Variants in SIGLEC6 observed in about 807,000 individuals in gnomAD.
The protein encoded by SIGLEC6 is sialic acid binding Ig like lectin 6.
In SIGLEC6, 31 loss-of-function variants were observed where a neutral mutation model predicts 41.4. That is an observed-to-expected ratio of 0.75 (90% CI 0.56 to 1.01). The LOEUF is 1.01. Among genes scored for constraint, SIGLEC6 ranks in the 50% least tolerant of loss-of-function variants. SIGLEC6 has a pLI of 0.00. For missense variants in SIGLEC6, 555 were observed against 558.6 expected (o/e 0.99, Z 0.06); for synonymous variants, 217 against 231.0 (o/e 0.94, Z 0.55).
At position 51,529,833 on chromosome 19, in the gene SIGLEC6, G is replaced by C. The variant is rs750467976; in HGVS notation, c.903C>G (p.Thr301=). Residue 301 remains threonine (T), a synonymous_variant, in exon 5 of 8, where the codon ACC becomes ACG. Coordinates refer to ENST00000425629, the MANE Select transcript of SIGLEC6 (RefSeq NM_001245.7). The stretch of plus-strand genomic sequence containing the variant: ...CTACTTGAGGCAGCTCCAGGACCCC[G>C]GTATTGGAGATGGGGGTGGCGTTCA... ...PALNATPISN[T]GVLELPQVGS... The C allele has an allele frequency of 1.1e-5, 17 of 1,614,026 alleles. No homozygotes were observed. The highest frequency in any genetic ancestry group is 5.0e-5 in the Admixed American group (3 of 59,996).
rs142345239 is a variant in SIGLEC6 at position 51,522,346 on chromosome 19, G to C, written c.1189-2091C>G. Among the ~76,000 whole-genome samples, 256 of 152,306 alleles carry C rather than the reference G, an allele frequency of 1.7e-3. 2 individuals carry two copies. Among genetic ancestry groups the C allele is most frequent in the African/African-American group, 5.9e-3 (246 of 41,560 alleles). On this transcript the variant is annotated intron_variant, in intron 7 of 7. Coordinates refer to ENST00000425629, the MANE Select transcript of SIGLEC6 (RefSeq NM_001245.7). ...ATCCGGATAATCAACAATGTAACACGATGTCCAGTATGCCACCAAAATCAC... is the reference window on the plus strand; with the variant it reads ...ATCCGGATAATCAACAATGTAACACCATGTCCAGTATGCCACCAAAATCAC...
intron 7 of SIGLEC6, among the ~76,000 whole-genome samples, chr19:51,523,150 A>G (rs1350750129): frequency 6.6e-6 from 1 of 152,166 alleles, no homozygotes; most frequent in African/African-American, 2.4e-5. Context: ...AGGAAAAAAA[A>G]AATAAACTGA....
intron 5 of SIGLEC6, among the ~76,000 whole-genome samples, chr19:51,528,987 G>T (rs1979709546): frequency 9.5e-6 from 1 of 104,812 alleles, no homozygotes; most frequent in South Asian, 3.5e-4. Flanking sequence ...TGGCAACAGA[G>T]TGAGACCCTC....
At chr19:51,524,550 T>C (rs1466692349) in intron 7 of SIGLEC6, among the ~76,000 whole-genome samples, 2 of 152,230 alleles carry the variant, frequency 1.3e-5, no homozygotes, top group African/African-American at 4.8e-5. Flanking sequence ...GTAAAATAAC[T>C]TGACCTGATT....
At chr19:51,530,375 C>A (rs1400243379) in intron 4 of SIGLEC6, 62 bp downstream of exon 4, 5 of 1,438,812 alleles carry the variant, frequency 3.5e-6, no homozygotes, top group Non-Finnish European at 3.9e-6. Context: ...CATATTGATC[C>A]CCGTTAGTCC....
At chr19:51,531,052 C>A in intron 2 of SIGLEC6, 93 bp from the exon 3 acceptor site, 1 of 1,571,504 alleles carries the variant, frequency 6.4e-7, no homozygotes, top group Admixed American at 2.0e-5. Context: ...TTCTCTGAGC[C>A]CAACATGCTT....
In SIGLEC6 at chr19:51,520,922, T is replaced by C. The variant is rs1020072328; in HGVS notation, c.1189-667A>G. ...ATTGTTGTGTAGGTCATGTGACATG[T>C]GCTAGATGTTAAGCCATGAAGAAAG... is the stretch of plus-strand genomic sequence containing the variant. On this transcript the variant is annotated intron_variant, in intron 7 of 7. Transcript: ENST00000425629. 9.2e-5 allele frequency among the ~76,000 whole-genome samples: 14 copies of C among 152,156 alleles called. 1 individual carries two copies. Among genetic ancestry groups the C allele is most frequent in the South Asian group, 4.2e-4 (2 of 4,816 alleles).
intron 7 of SIGLEC6, among the ~76,000 whole-genome samples, chr19:51,523,118 C>G (rs577660428): frequency 9.2e-4 from 139 of 151,114 alleles, no homozygotes; most frequent in Admixed American, 7.6e-3. Context: ...CCAGCCTGGG[C>G]GACAGAGTGA....
chr19:51,531,458 C>G lies in SIGLEC6; in HGVS notation c.129G>C (p.Glu43Asp), dbSNP rs1197708993. Residue 43 changes from glutamate to aspartate, a missense_variant, in exon 2 of 8, where the codon GAG (glutamate) becomes GAC (aspartate). Physicochemically the swap from Glu to Asp is conservative, Grantham distance 45 (BLOSUM62 2). Transcript: ENST00000425629. The part of the protein sequence containing the change: ...LEGPESLTVQ[E>D]GLCVLVPCRL... ...TGCAGGGTACGAGGACGCACAGACCCTCCTGCACCGTCAGTGACTCTGGCC... is the reference window on the plus strand; with the variant it reads ...TGCAGGGTACGAGGACGCACAGACCGTCCTGCACCGTCAGTGACTCTGGCC... 6.2e-7 allele frequency: 1 copy of G among 1,614,080 alleles called. No individual in the cohort carries two copies.
chr19:51,527,486 C>T (rs138312356), intron 7 of SIGLEC6, among the ~76,000 whole-genome samples: 1 of 127,100 alleles, frequency 7.9e-6, no homozygotes, highest in East Asian at 2.1e-4. Flanking sequence ...GATAATCTGA[C>T]ATATGAGGAG....
intron 7 of SIGLEC6, among the ~76,000 whole-genome samples, chr19:51,522,757 C>A (rs1236632696): frequency 1.3e-5 from 2 of 152,188 alleles, no homozygotes; most frequent in East Asian, 3.8e-4. Flanking sequence ...TGCCATTGCA[C>A]TCCACCCTGG....
In SIGLEC6 at chr19:51,529,717, C is replaced by A. The variant is rs1256342830; in HGVS notation, c.1012+7G>T. 6.2e-7 allele frequency: 1 copy of A among 1,614,020 alleles called. No individual in the cohort carries two copies. Among genetic ancestry groups the A allele is most frequent in the African/African-American group, 1.3e-5 (1 of 75,032 alleles). ...CCACACTCTCGCGCACCTCCCCCCA[C>A]ACTCACAATGCACAAAGAGACTCAG... On this transcript the variant is annotated splice_region_variant and intron_variant, in intron 5 of 7. Coordinates refer to ENST00000425629, the MANE Select transcript of SIGLEC6 (RefSeq NM_001245.7).
intron 7 of SIGLEC6, among the ~76,000 whole-genome samples, chr19:51,523,465 T>C (rs1978640521): frequency 6.6e-6 from 1 of 152,150 alleles, no homozygotes; most frequent in South Asian, 2.1e-4. Context: ...CAACAATATC[T>C]GCAAATACCA....
chr19:51,525,865 C>T (rs1979140652), intron 7 of SIGLEC6, among the ~76,000 whole-genome samples: 1 of 152,152 alleles, frequency 6.6e-6, no homozygotes, highest in South Asian at 2.1e-4. Flanking sequence ...GCTGGCAGCC[C>T]CTCTGCCATT....
rs995039788 is a variant in SIGLEC6 at position 51,530,377 on chromosome 19, C to T, written c.754+60G>A. On this transcript the variant is annotated intron_variant, in intron 4 of 7. Coordinates refer to ENST00000425629, the MANE Select transcript of SIGLEC6 (RefSeq NM_001245.7). ...AGTCCTGGCTTCTCATATTGATCCC[C>T]GTTAGTCCCCACTCTGCTTCCATCT... The T allele has an allele frequency of 6.8e-6, 10 of 1,469,036 alleles. No individual in the cohort carries two copies. In the African/African-American group the frequency reaches 9.7e-5, roughly 14 times the overall value. 91.0% of individuals were successfully genotyped at this position (1,469,036 alleles called of 1,614,324 possible). A position where few individuals can be genotyped will look rare whatever the true frequency, so the allele number is the denominator to read the frequency against.
Position 51,526,125 on chromosome 19 carries a change from C to G in SIGLEC6, c.1188+1622G>C, listed in dbSNP as rs140634981. ...TCTGCATTCCTCTAGGATGAAGCCC[C>G]AAGAGACAAGGAAAAAGCCCTCTAC... On this transcript the variant is annotated intron_variant, in intron 7 of 7. Transcript: ENST00000425629. Among the ~76,000 whole-genome samples the G allele has an allele frequency of 3.9e-4, 59 of 152,256 alleles. 1 individual carries two copies. In the East Asian group the frequency reaches 0.01, roughly 27 times the overall value.
Position 51,531,619 on chromosome 19 carries a change from TGAGGCG to T in SIGLEC6, c.24_29del (p.Ala9_Ser10del). The T allele has an allele frequency of 6.2e-7, 1 of 1,611,930 alleles. No individual in the cohort carries two copies. The highest frequency in any genetic ancestry group is 8.5e-7 in the Non-Finnish European group (1 of 1,179,038). The stretch of plus-strand genomic sequence containing the variant: ...GGGGCAGCAGCAGCGGTAGCATCTC[TGAGGCG>T]GAGGCTTCCTGGGCTCCCTGCATGA... On this transcript the variant is annotated inframe_deletion, in exon 1 of 8. Coordinates refer to ENST00000425629, the MANE Select transcript of SIGLEC6 (RefSeq NM_001245.7).
At position 51,530,667 on chromosome 19, in the gene SIGLEC6, G is replaced by A. The variant is rs1251601062; in HGVS notation, c.706+14C>T. ...ACACCCTCAGGGACCCGGGCGTCCT[G>A]GCCCAGCACTCACAGGAGACATTGA... On this transcript the variant is annotated intron_variant, in intron 3 of 7. Coordinates refer to ENST00000425629, the MANE Select transcript of SIGLEC6 (RefSeq NM_001245.7). 6.2e-7 allele frequency: 1 copy of A among 1,612,498 alleles called. No homozygotes were observed.
In SIGLEC6 at chr19:51,531,412, C is replaced by T. The variant is rs891215201; in HGVS notation, c.175G>A (p.Ala59Thr). 5 of 1,614,042 alleles carry T rather than the reference C, an allele frequency of 3.1e-6. No individual in the cohort carries two copies. In the African/African-American group the frequency reaches 5.3e-5, roughly 17 times the overall value. ...CAGTAGCCATAACCATAGTACGAGG[C>T]TGGAAGGGTAGTGGGCAATCTGCAG... ...VPCRLPTTLP[A>T]SYYGYGYWFL... The change falls in exon 2 of 8, where the codon GCC (alanine) becomes ACC (threonine). Residue 59 changes from alanine (A) to threonine (T), a missense_variant. Physicochemically the swap from Ala to Thr is moderately conservative, Grantham distance 58. Transcript: ENST00000425629.
Sources: gnomAD v4.1 joint callset for allele counts (sites outside exome capture counted in the v4.1 genomes callset) on GRCh38, gnomAD v4.1.1 for gene constraint, MANE v1.5 for transcripts, NCBI Gene and HGNC (gene_info 2026-07-23, HGNC 2026-07-21) for gene names.